Variants in EBF2 observed in about 807,000 individuals in gnomAD.
EBF2 encodes the protein transcription factor COE2.
In EBF2, 21 loss-of-function variants were observed where a neutral mutation model predicts 72.8. That is an observed-to-expected ratio of 0.29 (90% confidence interval 0.20 to 0.42). EBF2 has a LOEUF of 0.42. Ranked by LOEUF, EBF2 falls within the 10% of genes least tolerant of loss-of-function variation. The pLI is 1.00. For missense variants in EBF2, 637 were observed against 731.2 expected (o/e 0.87, Z 1.49); for synonymous variants, 299 against 274.2 (o/e 1.09, Z -0.89).
At chr8:25,863,451 G>A (rs923827389) in intron 10 of EBF2, among the ~76,000 whole-genome samples, 2 of 152,096 alleles carry the variant, frequency 1.3e-5, no homozygotes, top group African/African-American at 4.8e-5. Flanking sequence ...ACGAGTGAGT[G>A]AATGAGTGAA....
chr8:25,955,685 T>C lies in EBF2; in HGVS notation c.552-47130A>G, dbSNP rs541260108. On this transcript the variant is annotated intron_variant, in intron 6 of 15. Transcript: ENST00000520164. ...AAAAAGGAGAGAGCTTGGGGAGTCA[T>C]ATGTTTATGCTCCCAATAGCTTGAG... 3.4e-4 allele frequency among the ~76,000 whole-genome samples: 52 copies of C among 152,312 alleles called. No homozygotes were observed. In the South Asian group the frequency reaches 4.1e-3, roughly 12 times the overall value.
At chr8:25,960,278 A>G (rs1002127152) in intron 6 of EBF2, among the ~76,000 whole-genome samples, 4 of 152,236 alleles carry the variant, frequency 2.6e-5, no homozygotes, top group African/African-American at 9.6e-5. Flanking sequence ...CTATTTCTAA[A>G]GAAATGGGAT....
intron 5 of EBF2, 69 bp from the exon 6 acceptor site, chr8:26,033,222 C>T: frequency 6.7e-7 from 1 of 1,487,924 alleles, no homozygotes; most frequent in East Asian, 2.3e-5. Flanking sequence ...GAGCACATGA[C>T]AAGAACATTT....
intron 6 of EBF2, among the ~76,000 whole-genome samples, chr8:25,945,165 C>G (rs2117162102): frequency 6.7e-6 from 1 of 148,346 alleles, no homozygotes; most frequent in East Asian, 2.1e-4. Context: ...TTCCTGTCAC[C>G]TGACTTCATA....
At chr8:26,028,114 A>G (rs1221107817) in intron 6 of EBF2, among the ~76,000 whole-genome samples, 1 of 152,226 alleles carries the variant, frequency 6.6e-6, no homozygotes, top group Non-Finnish European at 1.5e-5. Context: ...CTAAGATGGT[A>G]AATTTTATAT....
At chr8:25,995,796 T>A (rs942547887) in intron 6 of EBF2, among the ~76,000 whole-genome samples, 3 of 151,944 alleles carry the variant, frequency 2.0e-5, no homozygotes, top group Non-Finnish European at 4.4e-5. Context: ...GCATTAACTG[T>A]GTAAAAAAGC....
intron 6 of EBF2, among the ~76,000 whole-genome samples, chr8:25,988,862 C>A (rs574562438): frequency 2.3e-4 from 35 of 152,194 alleles, no homozygotes; most frequent in Non-Finnish European, 4.1e-4. Context: ...AACTTCTACT[C>A]AGTTCTTTAG....
At chr8:25,937,474 A>AGTG (rs1180518742) in intron 6 of EBF2, among the ~76,000 whole-genome samples, 5 of 152,134 alleles carry the variant, frequency 3.3e-5, no homozygotes, top group African/African-American at 1.2e-4. Flanking sequence ...CTAGGCTTAA[A>AGTG]ATTATTACCA....
intron 6 of EBF2, among the ~76,000 whole-genome samples, chr8:26,017,903 G>A (rs1188853244): frequency 1.3e-5 from 2 of 152,180 alleles, no homozygotes; most frequent in Admixed American, 6.5e-5. Flanking sequence ...CTTTGAAAGG[G>A]GGTTTCGCGT....
intron 6 of EBF2, among the ~76,000 whole-genome samples, chr8:26,031,218 G>A (rs1805397641): frequency 6.6e-6 from 1 of 152,088 alleles, no homozygotes; most frequent in Admixed American, 6.5e-5. Flanking sequence ...CAAGATTAGT[G>A]AGCTCAATCC....
intron 6 of EBF2, among the ~76,000 whole-genome samples, chr8:25,992,114 T>G (rs1454575757): frequency 3.3e-5 from 5 of 151,692 alleles, no homozygotes. Context: ...CACTGCAACC[T>G]CCACCTCCCG....
chr8:26,024,810 T>C (rs1174512393), intron 6 of EBF2, among the ~76,000 whole-genome samples: 2 of 152,226 alleles, frequency 1.3e-5, no homozygotes, highest in South Asian at 4.1e-4. Context: ...CTTACATGAA[T>C]GTATTTAGCA....
chr8:25,852,930 A>G (rs1390824940), intron 14 of EBF2, among the ~76,000 whole-genome samples: 1 of 152,228 alleles, frequency 6.6e-6, no homozygotes, highest in Non-Finnish European at 1.5e-5. Flanking sequence ...CATCAGTGAA[A>G]TCAGCATTGT....
chr8:26,005,298 T>C (rs569538672), intron 6 of EBF2, among the ~76,000 whole-genome samples: 1 of 3,638 alleles, frequency 2.7e-4, no homozygotes, highest in Non-Finnish European at 5.9e-4. Context: ...TATATAATTA[T>C]ATATAATTAT....
chr8:26,005,547 TA>T (rs1804859200), intron 6 of EBF2, among the ~76,000 whole-genome samples: 1 of 15,714 alleles, frequency 6.4e-5, no homozygotes, highest in East Asian at 1.1e-3. Context: ...ATATTTTATA[TA>T]TATATATATA....
intron 7 of EBF2, among the ~76,000 whole-genome samples, chr8:25,898,786 G>A (rs1385206698): frequency 6.6e-6 from 1 of 152,140 alleles, no homozygotes; most frequent in Non-Finnish European, 1.5e-5. Flanking sequence ...TCAAAAATCA[G>A]GAGCACACAG....
chr8:25,928,127 A>T (rs1381670606), intron 6 of EBF2, among the ~76,000 whole-genome samples: 8 of 152,228 alleles, frequency 5.3e-5, no homozygotes. Flanking sequence ...AATAAATTAG[A>T]ATCTGGTAAG....
Position 25,842,088 on chromosome 8 carries a change from A to G in EBF2, c.*2521T>C, listed in dbSNP as rs1801753473. ...TAAATTGTCCCTTTAAATGAAAAAA[A>G]TCTTACACAGCTCCTCTTACAAACA... On this transcript the variant is annotated 3_prime_UTR_variant, in exon 16 of 16. Transcript: ENST00000520164. The G allele has an allele frequency of 1.3e-5, 2 of 152,224 alleles. No individual in the cohort carries two copies. The highest frequency in any genetic ancestry group is 2.9e-5 in the Non-Finnish European group (2 of 68,044). 9.4% of individuals were successfully genotyped at this position (152,224 alleles called of 1,614,324 possible).
chr8:25,889,634 AC>A, intron 8 of EBF2, 117 bp downstream of exon 8: 12 of 765,938 alleles, frequency 1.6e-5, no homozygotes, highest in Admixed American at 2.5e-5. Context: ...AAAAAAAAAA[AC>A]CCACATTGTT....
Sources: gnomAD v4.1 joint callset for allele counts (sites outside exome capture counted in the v4.1 genomes callset) on GRCh38, gnomAD v4.1.1 for gene constraint, MANE v1.5 for transcripts, NCBI Gene and HGNC (gene_info 2026-07-23, HGNC 2026-07-21) for gene names.